PCSK5: variants seen among roughly 807,000 people sequenced by gnomAD.
The protein encoded by PCSK5 is prohormone convertase 5.
A neutral mutation model predicts 233.2 loss-of-function variants in PCSK5; 129 were observed. The ratio of observed to expected loss-of-function variants is 0.55; its 90% CI spans 0.48 to 0.64. The LOEUF (loss-of-function observed/expected upper bound fraction) is 0.64, where lower values mean the gene tolerates loss of function less well. PCSK5 is among the 30% of genes least tolerant of loss of function. The probability of loss-of-function intolerance (pLI) is 0.00; values close to 1 mark genes in which losing one functional copy is unlikely to be tolerated. For synonymous variants in PCSK5, 825 were observed against 879.2 expected (o/e 0.94, Z 1.09); for missense variants, 2,076 against 2,430.1 (o/e 0.85, Z 3.06).
At chr9:76,010,144 C>T (rs1017991893) in intron 3 of PCSK5, among the ~76,000 whole-genome samples, 1 of 152,184 alleles carries the variant, frequency 6.6e-6, no homozygotes, top group African/African-American at 2.4e-5. Context: ...TGGCAGTTAT[C>T]TTGAAATCAG....
At chr9:76,197,983 C>T (rs567837101) in intron 20 of PCSK5, among the ~76,000 whole-genome samples, 1 of 152,294 alleles carries the variant, frequency 6.6e-6, no homozygotes, top group South Asian at 2.1e-4. Context: ...CTACTTGGCA[C>T]CTAGAAATGG....
chr9:76,189,297 AG>A, intron 19 of PCSK5, 74 bp downstream of exon 19: 1 of 1,322,942 alleles, frequency 7.6e-7, no homozygotes, highest in Non-Finnish European at 1.1e-6. Flanking sequence ...TAAGAAAATA[AG>A]AAAACTTAGA....
rs183799492 is a variant in PCSK5 at position 76,284,988 on chromosome 9, C to T, written c.3143-7245C>T. Among the ~76,000 whole-genome samples the T allele has an allele frequency of 1.5e-3, 221 of 152,194 alleles. 1 individual carries two copies. Among genetic ancestry groups the T allele is most frequent in the African/African-American group, 4.6e-3 (190 of 41,518 alleles). ...GCATGCAAGTGGAGGGTGAGCATAA[C>T]GTGTATAAATGTTATATTTTCTAAC... On this transcript the variant is annotated intron_variant, in intron 24 of 37. Coordinates refer to ENST00000674117, the MANE Select transcript of PCSK5 (RefSeq NM_001372043.1).
In PCSK5 at chr9:76,332,562, C is replaced by G; in HGVS notation, c.4700C>G (p.Pro1567Arg). 6.2e-7 allele frequency: 1 copy of G among 1,610,002 alleles called. No homozygotes were observed. Among genetic ancestry groups the G allele is most frequent in the Non-Finnish European group, 8.5e-7 (1 of 1,178,474 alleles). Residue 1567 changes from proline (P) to arginine (R), a missense_variant, in exon 34 of 38, where the codon CCG (proline) becomes CGG (arginine). Physicochemically the swap from Pro to Arg is moderately radical, Grantham distance 103. Transcript: ENST00000674117. ...AGCAGGCAGTGCCACTCCTGCCGAC[C>G]GGGCTGGTTCCAGCTAGGAAAAGAG... ...RHSRQCHSCR[P>R]GWFQLGKECL...
chr9:76,350,889 C>A lies in PCSK5; in HGVS notation c.5028C>A (p.Cys1676Ter), dbSNP rs534455393. The A allele has an allele frequency of 1.9e-6, 3 of 1,608,508 alleles. No individual in the cohort carries two copies. Among genetic ancestry groups the A allele is most frequent in the Non-Finnish European group, 2.5e-6 (3 of 1,176,520 alleles). Residue 1676 changes from cysteine (C) to a stop codon, truncating the protein, a stop_gained, in exon 36 of 38, where the codon TGC becomes TGA. Coordinates refer to ENST00000674117, the MANE Select transcript of PCSK5 (RefSeq NM_001372043.1). LOFTEE classifies it high-confidence loss of function. ...VWSYHLMGGI[C>*]TSDCLVGEYR... Reference sequence around the variant, plus strand: ...GTTACCACCTCATGGGAGGGATCTGCACCTCGGACTGTCTTGTGGGGGAAT... The same window carrying A: ...GTTACCACCTCATGGGAGGGATCTGAACCTCGGACTGTCTTGTGGGGGAAT...
chr9:76,072,489 AC>A (rs1830515673), intron 7 of PCSK5, among the ~76,000 whole-genome samples: 1 of 152,214 alleles, frequency 6.6e-6, no homozygotes, highest in South Asian at 2.1e-4. Flanking sequence ...ATCTTAAGAA[AC>A]CCTGTCTCAT....
chr9:76,106,106 T>C (rs546734868), intron 8 of PCSK5, among the ~76,000 whole-genome samples: 1 of 152,256 alleles, frequency 6.6e-6, no homozygotes, highest in Non-Finnish European at 1.5e-5. Context: ...GCCTTTGTTT[T>C]CAGCTGCCTG....
At chr9:76,284,681 T>G (rs12353058) in intron 24 of PCSK5, among the ~76,000 whole-genome samples, 1 of 151,674 alleles carries the variant, frequency 6.6e-6, no homozygotes, top group Non-Finnish European at 1.5e-5. Flanking sequence ...TACAGACATG[T>G]GCCAGCATGC....
chr9:76,292,398 G>A lies in PCSK5; in HGVS notation c.3185+123G>A. The A allele has an allele frequency of 6.0e-6, 4 of 669,372 alleles. No individual in the cohort carries two copies. The South Asian group carries it at 7.5e-5, about 13-fold the overall frequency. The allele number at this position is 669,372 out of a possible 1,614,324, so 41.5% of individuals were successfully genotyped here. ...AGCCCGAAGCAACTCTGTCCTGTCA[G>A]GCTATTAATGAGCAATTCTTGGATT... is the stretch of plus-strand genomic sequence containing the variant. On this transcript the variant is annotated intron_variant, in intron 25 of 37. Transcript: ENST00000674117.
At chr9:75,956,433 G>C (rs1825096907) in intron 2 of PCSK5, among the ~76,000 whole-genome samples, 1 of 152,230 alleles carries the variant, frequency 6.6e-6, no homozygotes, top group Admixed American at 6.5e-5. Context: ...TGATTGGTTA[G>C]ATTCCAAAGC....
At chr9:75,947,587 C>G (rs998466398) in intron 2 of PCSK5, among the ~76,000 whole-genome samples, 1 of 152,054 alleles carries the variant, frequency 6.6e-6, no homozygotes, top group South Asian at 2.1e-4. Context: ...ATTTGCTAGG[C>G]CCCAACTCAA....
At chr9:76,220,283 T>C (rs1284729717) in intron 20 of PCSK5, among the ~76,000 whole-genome samples, 1 of 152,016 alleles carries the variant, frequency 6.6e-6, no homozygotes, top group Admixed American at 6.6e-5. Context: ...TACCAGCACT[T>C]TGGGAGGCTG....
At chr9:75,934,965 A>G (rs1823985041) in intron 2 of PCSK5, among the ~76,000 whole-genome samples, 1 of 152,162 alleles carries the variant, frequency 6.6e-6, no homozygotes, top group Admixed American at 6.5e-5. Flanking sequence ...GTTACAAAGA[A>G]TTTCTATATA....
intron 3 of PCSK5, among the ~76,000 whole-genome samples, chr9:76,004,717 C>G (rs1827406194): frequency 6.6e-6 from 1 of 152,024 alleles, no homozygotes; most frequent in African/African-American, 2.4e-5. Context: ...TTTTTTGGTT[C>G]TGAAATTGGC....
intron 2 of PCSK5, among the ~76,000 whole-genome samples, chr9:75,935,227 C>G (rs532060106): frequency 6.6e-6 from 1 of 152,160 alleles, no homozygotes; most frequent in African/African-American, 2.4e-5. Context: ...GCCACCACGC[C>G]CAGCTAATTT....
chr9:75,962,161 G>A (rs1357575056), intron 2 of PCSK5, among the ~76,000 whole-genome samples: 1 of 152,202 alleles, frequency 6.6e-6, no homozygotes, highest in East Asian at 1.9e-4. Context: ...GTGTGGTCAG[G>A]GAAGACCTCT....
chr9:76,180,104 T>TATATACAC (rs373590869), intron 15 of PCSK5, among the ~76,000 whole-genome samples: 3,045 of 144,750 alleles, frequency 0.021, 100 homozygotes, highest in African/African-American at 0.074. Flanking sequence ...TATATATATA[T>TATATACAC]ACACACACAC....
chr9:75,928,978 C>T (rs1010678797), intron 1 of PCSK5, among the ~76,000 whole-genome samples: 1 of 150,940 alleles, frequency 6.6e-6, no homozygotes, highest in Non-Finnish European at 1.5e-5. Flanking sequence ...GCTCTGTCAC[C>T]AGGCTGGAGT....
At chr9:76,036,817 G>A (rs1319144063) in intron 5 of PCSK5, among the ~76,000 whole-genome samples, 1 of 152,222 alleles carries the variant, frequency 6.6e-6, no homozygotes, top group Non-Finnish European at 1.5e-5. Context: ...TGGTGGTCAA[G>A]TAGATGAGTA....
Sources: allele counts gnomAD v4.1 joint callset (sites outside exome capture counted in the v4.1 genomes callset), GRCh38; gene constraint gnomAD v4.1.1; transcripts MANE v1.5; gene names NCBI Gene and HGNC (gene_info 2026-07-23, HGNC 2026-07-21).